Variants in SLC17A1 observed in about 807,000 individuals in gnomAD.
The protein encoded by SLC17A1 is solute carrier family 17 member 1, also known as sodium-dependent phosphate transport protein 1.
A neutral mutation model predicts 53.5 loss-of-function variants in SLC17A1; 51 were observed. The observed-to-expected ratio is 0.95, with a 90% CI of 0.76 to 1.20. The LOEUF is 1.20. Among genes scored for constraint, SLC17A1 ranks in the 50% most tolerant of loss-of-function variants. The pLI, the probability that SLC17A1 is intolerant of heterozygous loss-of-function variation, is 0.00. For missense variants in SLC17A1, 538 were observed against 568.2 expected (o/e 0.95, Z 0.54); for synonymous variants, 179 against 198.8 (o/e 0.90, Z 0.84).
At chr6:25,738,512 T>C in the SLC17A1 span, among the ~76,000 whole-genome samples, 1 of 152,112 alleles carries the variant, frequency 6.6e-6, no homozygotes, top group Non-Finnish European at 1.5e-5. Flanking sequence ...AAAAAGTTTT[T>C]AGACATGAAA....
At chr6:25,824,870 C>T (rs1281996204) in intron 3 of SLC17A1, among the ~76,000 whole-genome samples, 1 of 151,688 alleles carries the variant, frequency 6.6e-6, no homozygotes, top group African/African-American at 2.4e-5. Flanking sequence ...AGTTTTTGCC[C>T]CCTATATTTT....
the SLC17A1 span, among the ~76,000 whole-genome samples, chr6:25,743,741 C>T: frequency 6.6e-6 from 1 of 152,190 alleles, no homozygotes; most frequent in Non-Finnish European, 1.5e-5. Flanking sequence ...ATGACAGATA[C>T]TGCTCCTGGC....
chr6:25,764,675 G>A, the SLC17A1 span, among the ~76,000 whole-genome samples: 21 of 152,284 alleles, frequency 1.4e-4, no homozygotes, highest in African/African-American at 5.1e-4. Flanking sequence ...GCTTGGAGTG[G>A]CAGTGTCCAG....
the SLC17A1 span, among the ~76,000 whole-genome samples, chr6:25,737,099 A>T: frequency 6.6e-6 from 1 of 152,228 alleles, no homozygotes; most frequent in Non-Finnish European, 1.5e-5. Flanking sequence ...ATGAAAGCCT[A>T]CCAGGTTAGG....
chr6:25,739,550 T>C, the SLC17A1 span, among the ~76,000 whole-genome samples: 3 of 152,214 alleles, frequency 2.0e-5, no homozygotes, highest in African/African-American at 7.2e-5. Flanking sequence ...GTCCTTTAAA[T>C]GAGTGAATGT....
the SLC17A1 span, among the ~76,000 whole-genome samples, chr6:25,740,532 G>A: frequency 0.029 from 4,472 of 152,198 alleles, 98 homozygotes; most frequent in South Asian, 0.071. Flanking sequence ...ACAATAAAAT[G>A]TAAGTTGCAA....
chr6:25,786,806 G>A (rs1253046447), intron 12 of SLC17A1, among the ~76,000 whole-genome samples: 2 of 152,186 alleles, frequency 1.3e-5, no homozygotes, highest in East Asian at 1.9e-4. Flanking sequence ...GCATCCTAGC[G>A]GATGAGGAGA....
the SLC17A1 span, among the ~76,000 whole-genome samples, chr6:25,725,354 T>A: frequency 1.1e-3 from 169 of 152,348 alleles, no homozygotes; most frequent in African/African-American, 3.1e-3. Flanking sequence ...TCTATTATTC[T>A]TTACAAAGTA....
chr6:25,823,995 G>A (rs1764653516), intron 3 of SLC17A1, among the ~76,000 whole-genome samples: 1 of 151,736 alleles, frequency 6.6e-6, no homozygotes, highest in Admixed American at 6.6e-5. Flanking sequence ...CAATTCAGTG[G>A]AGAAAGAAAA....
At chr6:25,825,663 G>A (rs1422265997) in intron 3 of SLC17A1, among the ~76,000 whole-genome samples, 1 of 151,854 alleles carries the variant, frequency 6.6e-6, no homozygotes, top group Non-Finnish European at 1.5e-5. Context: ...GGTGTTCTCT[G>A]AGCTTCTTGG....
At position 25,826,512 on chromosome 6, in the gene SLC17A1, A is replaced by G. The variant is rs755355390; in HGVS notation, c.156T>C (p.Asp52=). 5.0e-6 allele frequency: 8 copies of G among 1,612,516 alleles called. No homozygotes were observed. Among genetic ancestry groups the G allele is most frequent in the Non-Finnish European group, 6.8e-6 (8 of 1,178,982 alleles). Residue 52 remains aspartate (D), a synonymous_variant, in exon 3 of 13, where the codon GAT becomes GAC. Coordinates refer to ENST00000244527, the MANE Select transcript of SLC17A1 (RefSeq NM_005074.5). Reference sequence around the variant, plus strand: ...TGGAGGTGTTGGGCAAACCATGTGGATCTGTGCTATTCACCATGACTACCA... The same window carrying G: ...TGGAGGTGTTGGGCAAACCATGTGGGTCTGTGCTATTCACCATGACTACCA... The part of the protein sequence containing the change: ...LTMVVMVNST[D]PHGLPNTSTK...
the SLC17A1 span, among the ~76,000 whole-genome samples, chr6:25,755,698 C>T: frequency 6.6e-6 from 1 of 152,118 alleles, no homozygotes; most frequent in East Asian, 1.9e-4. Context: ...TCTACAAAGG[C>T]CCTTCTGTTC....
chr6:25,730,147 CCTA>C, the SLC17A1 span, among the ~76,000 whole-genome samples: 1 of 152,126 alleles, frequency 6.6e-6, no homozygotes, highest in Non-Finnish European at 1.5e-5. Flanking sequence ...ATCCAACAAT[CCTA>C]CTACTGGGTA....
At chr6:25,753,324 G>A in the SLC17A1 span, among the ~76,000 whole-genome samples, 1 of 152,088 alleles carries the variant, frequency 6.6e-6, no homozygotes, top group Middle Eastern at 3.2e-3. Flanking sequence ...GTGTGTCCAA[G>A]GTGATGTAAG....
chr6:25,785,012 A>G (rs1488666899), intron 12 of SLC17A1, among the ~76,000 whole-genome samples: 1 of 152,190 alleles, frequency 6.6e-6, no homozygotes, highest in East Asian at 1.9e-4. Flanking sequence ...CAGAAATCCT[A>G]GGAAATCTAC....
the SLC17A1 span, chr6:25,776,693 A>T: frequency 6.2e-7 from 1 of 1,613,886 alleles, no homozygotes; most frequent in Non-Finnish European, 8.5e-7. Flanking sequence ...AAATCCTCAG[A>T]CTCATCACCA....
chr6:25,824,656 T>C (rs183337954), intron 3 of SLC17A1, among the ~76,000 whole-genome samples: 25 of 151,902 alleles, frequency 1.6e-4, no homozygotes, highest in Non-Finnish European at 3.2e-4. Context: ...ATGTATATTA[T>C]AAAACCTATG....
At chr6:25,770,503 C>T in the SLC17A1 span, 18 of 1,596,340 alleles carry the variant, frequency 1.1e-5, no homozygotes, top group African/African-American at 1.2e-4. Flanking sequence ...ACTTTACATG[C>T]ACTGTCCAGG....
At chr6:25,782,386 A>G (rs1443848429), downstream of SLC17A1, among the ~76,000 whole-genome samples, 1 of 152,158 alleles carries the variant, frequency 6.6e-6, no homozygotes, top group African/African-American at 2.4e-5. Flanking sequence ...CATGACATAC[A>G]TTATTTTGTA....
Sources: allele counts gnomAD v4.1 joint callset (sites outside exome capture counted in the v4.1 genomes callset), GRCh38; gene constraint gnomAD v4.1.1; transcripts MANE v1.5; gene names NCBI Gene and HGNC (gene_info 2026-07-23, HGNC 2026-07-21).